Variants in DECR1 observed in about 807,000 individuals in gnomAD.
DECR1 encodes 2,4-dienoyl-CoA reductase [(3E)-enoyl-CoA-producing], mitochondrial.
Under a neutral mutation model 38.8 loss-of-function variants are expected in DECR1, and 44 were observed. That is an observed-to-expected ratio of 1.13 (90% CI 0.89 to 1.46). DECR1 has a LOEUF of 1.46. Among genes scored for constraint, DECR1 ranks in the 40% most tolerant of loss-of-function variants. The probability of loss-of-function intolerance (pLI) is 0.00; values close to 1 mark genes in which losing one functional copy is unlikely to be tolerated. For synonymous variants in DECR1, 148 were observed against 135.2 expected, an observed-to-expected ratio of 1.09 and a Z score of -0.66; for missense variants, 428 against 405.5, an observed-to-expected ratio of 1.06 and a Z score of -0.48.
rs143584170 is a variant in DECR1 at position 90,050,942 on chromosome 8, C to T, written c.886-735C>T. Among the ~76,000 whole-genome samples the T allele has an allele frequency of 5.5e-3, 831 of 152,168 alleles. 4 individuals carry two copies. The highest frequency in any genetic ancestry group is 8.8e-3 in the Non-Finnish European group (599 of 68,014). On this transcript the variant is annotated intron_variant, in intron 8 of 9. Transcript: ENST00000220764. ...CACAAAGACAGAAAACCAAACACCG[C>T]ATGTTCTCACTCATAAGTGGGAATT...
At chr8:90,008,806 C>T (rs1021823873) in intron 1 of DECR1, among the ~76,000 whole-genome samples, 17 of 152,070 alleles carry the variant, frequency 1.1e-4, no homozygotes, top group African/African-American at 4.1e-4. Flanking sequence ...TTGGACCAGG[C>T]GATATTAGGT....
intron 6 of DECR1, 71 bp downstream of exon 6, chr8:90,037,011 C>A: frequency 9.4e-7 from 1 of 1,058,982 alleles, no homozygotes; most frequent in Non-Finnish European, 1.4e-6. Context: ...AACTGTATTC[C>A]TGCTTTCTGG....
At chr8:90,035,509 C>A (rs768056607) in intron 5 of DECR1, among the ~76,000 whole-genome samples, 107 of 151,848 alleles carry the variant, frequency 7.0e-4, no homozygotes, top group Non-Finnish European at 1.4e-3. Context: ...TATTTTTCTG[C>A]TGTAGAAGCC....
At chr8:90,014,936 T>C (rs1812970204) in intron 1 of DECR1, among the ~76,000 whole-genome samples, 2 of 152,162 alleles carry the variant, frequency 1.3e-5, no homozygotes, top group African/African-American at 4.8e-5. Context: ...GTTGCTTGGA[T>C]TACTGTGCTT....
intron 8 of DECR1, among the ~76,000 whole-genome samples, chr8:90,045,255 G>C (rs1203436599): frequency 6.6e-6 from 1 of 152,042 alleles, no homozygotes; most frequent in Non-Finnish European, 1.5e-5. Flanking sequence ...GAAGTGCAGG[G>C]GGTTGGGGAA....
Position 90,051,731 on chromosome 8 carries a change from C to G in DECR1, c.940C>G (p.Leu314Val), listed in dbSNP as rs775628189. 1.9e-6 allele frequency: 3 copies of G among 1,613,204 alleles called. No homozygotes were observed. ...ACTTATTTCAGGGGAATTCAACGAC[C>G]TGAGAAAGGTAATGCTTTTGTGTGT... The part of the protein sequence containing the change: ...EVLISGEFND[L>V]RKVTKEQWDT... The change falls in exon 9 of 10, where the codon CTG becomes GTG. Residue 314 changes from leucine (L) to valine (V), a missense_variant. Leu to Val is a conservative substitution (Grantham distance 32, BLOSUM62 1). Transcript: ENST00000220764.
At position 90,017,260 on chromosome 8, in the gene DECR1, C is replaced by A. The variant is rs1563625141; in HGVS notation, c.206C>A (p.Thr69Asn). 6 of 1,614,174 alleles carry A rather than the reference C, an allele frequency of 3.7e-6. No individual in the cohort carries two copies. The East Asian group carries it at 8.9e-5, about 24-fold the overall frequency. ...GTGGCATTCATTACTGGGGGAGGTA[C>A]TGGCCTTGGTAAAGGAATGACAACT... ...GKVAFITGGG[T>N]GLGKGMTTLL... The change falls in exon 2 of 10, where the codon ACT becomes AAT. Residue 69 changes from threonine to asparagine, a missense_variant. Coordinates refer to ENST00000220764, the MANE Select transcript of DECR1 (RefSeq NM_001359.2).
intron 6 of DECR1, among the ~76,000 whole-genome samples, chr8:90,040,088 A>G (rs1239223569): frequency 6.6e-6 from 1 of 152,206 alleles, no homozygotes; most frequent in East Asian, 1.9e-4. Flanking sequence ...CACACCTCTG[A>G]GCACAGAGAG....
chr8:90,020,204 C>T (rs949134049), intron 4 of DECR1, among the ~76,000 whole-genome samples: 3 of 152,132 alleles, frequency 2.0e-5, no homozygotes, highest in Admixed American at 6.5e-5. Flanking sequence ...ACTGAATCTC[C>T]TGTAGAACTA....
At chr8:90,027,615 T>A (rs1339909493) in intron 5 of DECR1, among the ~76,000 whole-genome samples, 2 of 152,178 alleles carry the variant, frequency 1.3e-5, no homozygotes, top group African/African-American at 4.8e-5. Context: ...TGTGTGTCTC[T>A]GCAGGTGAGA....
intron 1 of DECR1, among the ~76,000 whole-genome samples, chr8:90,007,282 G>T (rs1812767984): frequency 6.6e-6 from 1 of 152,166 alleles, no homozygotes; most frequent in South Asian, 2.1e-4. Flanking sequence ...GGGGAGCGAA[G>T]GAATCTGGAT....
At chr8:90,022,117 G>T (rs1386872883) in intron 5 of DECR1, among the ~76,000 whole-genome samples, 1 of 152,152 alleles carries the variant, frequency 6.6e-6, no homozygotes, top group East Asian at 1.9e-4. Context: ...CTCAGAGAAG[G>T]TGGAGAGTAT....
At chr8:90,042,890 C>G (rs1199843069) in intron 7 of DECR1, 90 bp downstream of exon 7, 5 of 1,081,622 alleles carry the variant, frequency 4.6e-6, no homozygotes, top group Non-Finnish European at 7.1e-6. Context: ...AAAGGACTTT[C>G]CAGAGATGCC....
chr8:90,044,916 G>A lies in DECR1; in HGVS notation c.806G>A (p.Gly269Asp). 1.2e-6 allele frequency: 2 copies of A among 1,613,492 alleles called. No individual in the cohort carries two copies. The highest frequency in any genetic ancestry group is 1.7e-6 in the Non-Finnish European group (2 of 1,179,612). Residue 269 changes from glycine to aspartate, a missense_variant, in exon 8 of 10, where the codon GGT (glycine) becomes GAT (aspartate). By Grantham distance (94) the Gly-to-Asp change is moderately conservative (BLOSUM62 -1). Transcript: ENST00000220764. ...EKEMIGRIPC[G>D]RLGTVEELAN... ...GAAATGATTGGCAGAATTCCCTGTG[G>A]TCGCCTGGGGACTGTAGAAGAACTC...
chr8:90,022,050 G>T (rs183797375), intron 5 of DECR1, among the ~76,000 whole-genome samples: 3 of 152,246 alleles, frequency 2.0e-5, no homozygotes, highest in African/African-American at 7.2e-5. Flanking sequence ...AAAGCACAGA[G>T]GTGGACAAGA....
At chr8:90,051,435 A>G (rs1170416758) in intron 8 of DECR1, among the ~76,000 whole-genome samples, 1 of 152,192 alleles carries the variant, frequency 6.6e-6, no homozygotes, top group African/African-American at 2.4e-5. Flanking sequence ...TTACCTTGGT[A>G]GATATACCTT....
In DECR1 at chr8:90,051,926, G is replaced by A. The variant is rs1301850365; in HGVS notation, c.*29G>A. ...CACTTTGGCCTTCATCTTGGTTACAGAAAAGGGAATAGAAATGAAACAAAT... is the reference window on the plus strand; with the variant it reads ...CACTTTGGCCTTCATCTTGGTTACAAAAAAGGGAATAGAAATGAAACAAAT... On this transcript the variant is annotated 3_prime_UTR_variant, in exon 10 of 10. Transcript: ENST00000220764. 3 of 1,591,312 alleles carry A rather than the reference G, an allele frequency of 1.9e-6. No individual in the cohort carries two copies. The highest frequency in any genetic ancestry group is 1.7e-6 in the Non-Finnish European group (2 of 1,161,340).
intron 1 of DECR1, 119 bp from the exon 2 acceptor site, chr8:90,017,005 A>G: frequency 1.5e-6 from 1 of 668,726 alleles, no homozygotes; most frequent in Non-Finnish European, 2.5e-6. Context: ...ATATGTTTGC[A>G]GTGAGTTTGT....
chr8:90,047,212 G>T (rs1317495786), intron 8 of DECR1, among the ~76,000 whole-genome samples: 2 of 152,138 alleles, frequency 1.3e-5, no homozygotes, highest in African/African-American at 2.4e-5. Context: ...TGGGCTAAAT[G>T]CTCCAATTAA....
Sources: gnomAD v4.1 joint callset for allele counts (sites outside exome capture counted in the v4.1 genomes callset) on GRCh38, gnomAD v4.1.1 for gene constraint, MANE v1.5 for transcripts, NCBI Gene and HGNC (gene_info 2026-07-23, HGNC 2026-07-21) for gene names.